The following TNS3 variants were observed in gnomAD, a reference collection of about 807,000 sequenced individuals.
TNS3 encodes the protein tensin 3.
In TNS3, 45 loss-of-function variants were observed where a neutral mutation model predicts 140.9. The observed-to-expected ratio is 0.32, with a 90% CI of 0.25 to 0.41. TNS3 has a LOEUF of 0.41. Among genes scored for constraint, TNS3 ranks in the 10% least tolerant of loss-of-function variants. The probability of loss-of-function intolerance (pLI) is 1.00; values close to 1 mark genes in which losing one functional copy is unlikely to be tolerated. For missense variants in TNS3, 1,716 were observed against 1,906.7 expected (o/e 0.90, Z 1.86); for synonymous variants, 815 against 788.4 (o/e 1.03, Z -0.56).
At chr7:47,412,963 C>CT (rs1301161466) in intron 12 of TNS3, among the ~76,000 whole-genome samples, 9 of 151,090 alleles carry the variant, frequency 6.0e-5, no homozygotes, top group East Asian at 3.9e-4. Flanking sequence ...TTGTTGTTTT[C>CT]TTTTTTTTTC....
rs978571518 is a variant in TNS3, at chr7:47,303,237, G to A, written c.3170C>T (p.Ala1057Val). ...ASPTPSIPLT[A>V]TGAADNGFLS... is the part of the protein sequence containing the mutation. Reference sequence around the variant, plus strand: ...GAAGCCATTGTCGGCAGCCCCTGTCGCTGTCAGCGGGATGCTGGGGGTCGG... The same window carrying A: ...GAAGCCATTGTCGGCAGCCCCTGTCACTGTCAGCGGGATGCTGGGGGTCGG... Residue 1057 changes from alanine (A) to valine (V), a missense_variant, in exon 22 of 31, where the codon GCG becomes GTG. Ala to Val is a moderately conservative substitution (Grantham distance 64). Around this residue, in one of 3 missense-constraint regions of TNS3, gnomAD observed 1,163 missense variants for 1,182.1 expected, o/e 0.98. Coordinates refer to ENST00000311160, the MANE Select transcript of TNS3 (RefSeq NM_022748.12). The A allele has an allele frequency of 1.1e-5, 17 of 1,613,744 alleles. No individual in the cohort carries two copies. Among genetic ancestry groups the A allele is most frequent in the Non-Finnish European group, 1.4e-5 (16 of 1,180,012 alleles).
chr7:47,454,611 G>T (rs930549540), intron 4 of TNS3, among the ~76,000 whole-genome samples: 1 of 100,538 alleles, frequency 9.9e-6, no homozygotes, highest in South Asian at 2.9e-4. Flanking sequence ...GGCTGCTCTG[G>T]GGGGGCAACA....
In TNS3 at chr7:47,364,238, C is replaced by CT. The variant is rs538945928; in HGVS notation, c.2281+4126dup. The stretch of plus-strand genomic sequence containing the variant: ...GAGGGAAGAAACAATTCCTTCCTTG[C>CT]TTAGCTGCAGTGCCTGAGAGCTACA... On this transcript the variant is annotated intron_variant, in intron 17 of 30. Transcript: ENST00000311160. Among the ~76,000 whole-genome samples the CT allele has an allele frequency of 4.5e-3, 679 of 151,150 alleles. 3 individuals carry two copies. Among genetic ancestry groups the CT allele is most frequent in the African/African-American group, 0.016 (647 of 41,122 alleles).
chr7:47,433,269 T>A (rs1562735006), intron 8 of TNS3, among the ~76,000 whole-genome samples: 1 of 152,266 alleles, frequency 6.6e-6, no homozygotes, highest in Non-Finnish European at 1.5e-5. Flanking sequence ...GCAGTGATGA[T>A]GATGAACTTC....
chr7:47,416,035 C>T (rs1794063414), intron 10 of TNS3, among the ~76,000 whole-genome samples: 1 of 152,252 alleles, frequency 6.6e-6, no homozygotes, highest in South Asian at 2.1e-4. Context: ...CTGGCGTGGC[C>T]CCTGCCCTGA....
chr7:47,316,102 CT>C (rs1562585937), intron 20 of TNS3, among the ~76,000 whole-genome samples: 1 of 18,182 alleles, frequency 5.5e-5, no homozygotes, highest in African/African-American at 1.9e-4. Flanking sequence ...ATTTCTCTCT[CT>C]CTCTCTCTCT....
At chr7:47,438,614 T>C (rs1216771179) in intron 6 of TNS3, among the ~76,000 whole-genome samples, 1 of 151,948 alleles carries the variant, frequency 6.6e-6, no homozygotes, top group Non-Finnish European at 1.5e-5. Context: ...CCTGAGTGAA[T>C]CAAGGATCGG....
chr7:47,434,708 A>T (rs1409772292), intron 8 of TNS3, among the ~76,000 whole-genome samples: 1 of 152,208 alleles, frequency 6.6e-6, no homozygotes, highest in African/African-American at 2.4e-5. Context: ...AGGAGTGCCC[A>T]CCAGCTATGC....
intron 1 of TNS3, among the ~76,000 whole-genome samples, chr7:47,560,477 G>A (rs1800299926): frequency 6.6e-6 from 1 of 152,106 alleles, no homozygotes; most frequent in Non-Finnish European, 1.5e-5. Context: ...GTGTTTTCAT[G>A]TCTTCCATAA....
intron 9 of TNS3, among the ~76,000 whole-genome samples, chr7:47,424,439 A>G (rs1794543945): frequency 6.6e-6 from 1 of 152,220 alleles, no homozygotes; most frequent in Non-Finnish European, 1.5e-5. Context: ...CTCCTTATCT[A>G]AAGATATTAT....
intron 17 of TNS3, among the ~76,000 whole-genome samples, chr7:47,355,665 G>A (rs1000010611): frequency 1.1e-4 from 16 of 152,090 alleles, no homozygotes; most frequent in Admixed American, 2.0e-4. Flanking sequence ...AAAGCTCTTC[G>A]GCAACTTTCC....
intron 13 of TNS3, among the ~76,000 whole-genome samples, chr7:47,401,557 T>C (rs1248964390): frequency 6.6e-6 from 1 of 152,174 alleles, no homozygotes; most frequent in African/African-American, 2.4e-5. Context: ...CTGGGGTTCA[T>C]GAGGTCCCCA....
chr7:47,384,796 T>A (rs1791979853), intron 16 of TNS3, among the ~76,000 whole-genome samples: 1 of 152,190 alleles, frequency 6.6e-6, no homozygotes, highest in South Asian at 2.1e-4. Flanking sequence ...CACAGATCCA[T>A]GGTGCTTCCT....
At chr7:47,352,265 T>A (rs956676368) in intron 17 of TNS3, among the ~76,000 whole-genome samples, 2 of 150,878 alleles carry the variant, frequency 1.3e-5, no homozygotes, top group African/African-American at 2.4e-5. Flanking sequence ...ACGTGCAGTC[T>A]CTCACAGTGT....
intron 20 of TNS3, among the ~76,000 whole-genome samples, chr7:47,308,583 T>C (rs890424565): frequency 1.3e-5 from 2 of 152,224 alleles, no homozygotes; most frequent in Admixed American, 6.5e-5. Flanking sequence ...TTATAAATAT[T>C]CTTGAACTTT....
At chr7:47,579,934 C>A (rs1202912991) in intron 1 of TNS3, 9 of 687,594 alleles carry the variant, frequency 1.3e-5, no homozygotes. Context: ...CCCTCTCCTG[C>A]CCTTTATTTC....
At position 47,368,498 on chromosome 7, in the gene TNS3, G is replaced by A. The variant is rs753419991; in HGVS notation, c.2148C>T (p.Ile716=). ...ILELDPTFEP[I]PTHMNALGSQ... is the part of the protein sequence containing the mutation. ...TACCGAGGGCGTTCATGTGGGTAGG[G>A]ATGGGCTCGAAGGTGGGATCCAGCT... Residue 716 remains isoleucine, a synonymous_variant, in exon 17 of 31, where the codon ATC becomes ATT. Coordinates refer to ENST00000311160, the MANE Select transcript of TNS3 (RefSeq NM_022748.12). 6.3e-6 allele frequency: 10 copies of A among 1,594,506 alleles called. No individual in the cohort carries two copies. In the East Asian group the frequency reaches 2.3e-4, roughly 36 times the overall value.
At chr7:47,557,958 G>A (rs374123031) in intron 1 of TNS3, among the ~76,000 whole-genome samples, 3 of 152,336 alleles carry the variant, frequency 2.0e-5, no homozygotes, top group African/African-American at 7.2e-5. Context: ...CCTGCGGTGA[G>A]CAGGCCTCGG....
intron 3 of TNS3, among the ~76,000 whole-genome samples, chr7:47,485,021 CCT>C (rs1015387304): frequency 2.6e-5 from 4 of 152,214 alleles, no homozygotes; most frequent in Admixed American, 2.0e-4. Flanking sequence ...CACTGCATCC[CCT>C]GAGACCGTCC....
Sources: gnomAD v4.1 joint callset for allele counts (sites outside exome capture counted in the v4.1 genomes callset) on GRCh38, gnomAD v4.1.1 for gene constraint, gnomAD v4.1.1 regional missense constraint, MANE v1.5 for transcripts, NCBI Gene and HGNC (gene_info 2026-07-23, HGNC 2026-07-21) for gene names.